The following POPDC1 variants were observed in gnomAD, a reference collection of about 807,000 sequenced individuals.
The protein encoded by POPDC1 is popeye domain-containing protein 1.
chr6:105,099,686 G>A, the POPDC1 span: 1 of 152,234 alleles, frequency 6.6e-6, no homozygotes, highest in Non-Finnish European at 1.5e-5. Flanking sequence ...ACCTGGGTGG[G>A]GTGTCCATGG....
At chr6:105,112,936 TTTC>T in the POPDC1 span, among the ~76,000 whole-genome samples, 1 of 27,558 alleles carries the variant, frequency 3.6e-5, no homozygotes, top group Middle Eastern at 0.024. Context: ...TTGTTTTTCT[TTTC>T]TTTTTTTTTT....
the POPDC1 span, among the ~76,000 whole-genome samples, chr6:105,115,321 C>T: frequency 6.6e-6 from 1 of 152,166 alleles, no homozygotes; most frequent in Non-Finnish European, 1.5e-5. Context: ...ATCTCCTGAC[C>T]TCGTGATCCG....
At chr6:105,108,504 T>C in the POPDC1 span, among the ~76,000 whole-genome samples, 1 of 151,952 alleles carries the variant, frequency 6.6e-6, no homozygotes, top group East Asian at 1.9e-4. Flanking sequence ...AAAAATGAAA[T>C]GGGTTTCACC....
chr6:105,123,957 A>G, the POPDC1 span, among the ~76,000 whole-genome samples: 1 of 152,246 alleles, frequency 6.6e-6, no homozygotes, highest in African/African-American at 2.4e-5. Flanking sequence ...ATAAAGCATA[A>G]GATGTTTTCT....
At chr6:105,118,649 A>G in the POPDC1 span, among the ~76,000 whole-genome samples, 1 of 152,212 alleles carries the variant, frequency 6.6e-6, no homozygotes, top group African/African-American at 2.4e-5. Flanking sequence ...TGTTTTGACA[A>G]CTATAGAACA....
the POPDC1 span, chr6:105,125,503 T>A: frequency 4.3e-6 from 7 of 1,614,156 alleles, no homozygotes; most frequent in South Asian, 7.7e-5. Flanking sequence ...GTTAGTCTTC[T>A]GAACAAATCT....
the POPDC1 span, among the ~76,000 whole-genome samples, chr6:105,127,714 G>A: frequency 1.3e-5 from 2 of 151,848 alleles, no homozygotes; most frequent in Non-Finnish European, 2.9e-5. Flanking sequence ...GGGATTACAG[G>A]CATGAGCTAT....
the POPDC1 span, among the ~76,000 whole-genome samples, chr6:105,114,761 A>G: frequency 6.6e-6 from 1 of 152,238 alleles, no homozygotes; most frequent in Non-Finnish European, 1.5e-5. Context: ...GTTTTGAAAC[A>G]ATCTAAACTA....
the POPDC1 span, among the ~76,000 whole-genome samples, chr6:105,119,133 C>T: frequency 8.9e-4 from 127 of 142,464 alleles, no homozygotes; most frequent in African/African-American, 3.1e-3. Flanking sequence ...TGCAGTGAGC[C>T]GAGATCGTGC....
the POPDC1 span, among the ~76,000 whole-genome samples, chr6:105,123,557 C>A: frequency 6.6e-6 from 1 of 151,746 alleles, no homozygotes; most frequent in Non-Finnish European, 1.5e-5. Context: ...CCCACCACCA[C>A]GCCCAGCTAA....
chr6:105,123,365 G>C, the POPDC1 span, among the ~76,000 whole-genome samples: 1 of 152,114 alleles, frequency 6.6e-6, no homozygotes, highest in African/African-American at 2.4e-5. Context: ...GAAAGAATCA[G>C]AACAGTGTCA....
At chr6:105,137,020 G>C in the POPDC1 span, 117,513 of 152,094 alleles carry the variant, frequency 0.77, 47,651 homozygotes, top group Non-Finnish European at 0.88. Context: ...AGTTCGGAGC[G>C]GCAGCTTCGG....
chr6:105,129,685 T>C, the POPDC1 span, among the ~76,000 whole-genome samples: 6 of 152,158 alleles, frequency 3.9e-5, no homozygotes, highest in African/African-American at 7.2e-5. Context: ...CTACGTTTTA[T>C]TGATCTGATA....
the POPDC1 span, among the ~76,000 whole-genome samples, chr6:105,114,917 A>T: frequency 6.6e-6 from 1 of 152,274 alleles, no homozygotes; most frequent in Non-Finnish European, 1.5e-5. Flanking sequence ...ATAACCAGCC[A>T]GCAGCAGAAC....
the POPDC1 span, chr6:105,100,765 A>G: frequency 1.2e-5 from 2 of 167,406 alleles, no homozygotes; most frequent in African/African-American, 4.7e-5. Context: ...TTGGAAAAAA[A>G]TAAGTGAAAA....
At chr6:105,129,209 G>A in the POPDC1 span, among the ~76,000 whole-genome samples, 2 of 127,108 alleles carry the variant, frequency 1.6e-5, no homozygotes, top group African/African-American at 5.5e-5. Flanking sequence ...AAATTTCGTG[G>A]TACTAAAATG....
the POPDC1 span, among the ~76,000 whole-genome samples, chr6:105,103,634 A>C: frequency 6.6e-6 from 1 of 152,216 alleles, no homozygotes; most frequent in Non-Finnish European, 1.5e-5. Context: ...AATAATATAT[A>C]GTATATAGAC....
chr6:105,130,534 C>T, the POPDC1 span, among the ~76,000 whole-genome samples: 1 of 152,070 alleles, frequency 6.6e-6, no homozygotes, highest in Non-Finnish European at 1.5e-5. Flanking sequence ...GTTAGAAATG[C>T]TAATATCAAG....
the POPDC1 span, chr6:105,115,659 A>C: frequency 3.7e-6 from 6 of 1,613,282 alleles, no homozygotes; most frequent in East Asian, 1.1e-4. Context: ...AGAACTCTGG[A>C]GTAGTATCAG....
Sources: allele counts gnomAD v4.1 joint callset (sites outside exome capture counted in the v4.1 genomes callset), GRCh38; gene constraint gnomAD v4.1.1; transcripts MANE v1.5; gene names NCBI Gene and HGNC (gene_info 2026-07-23, HGNC 2026-07-21).